The following RGS20 variants were observed in gnomAD, a reference collection of about 807,000 sequenced individuals.
The protein encoded by RGS20 is regulator of G protein signaling 20, also known as gz-selective GTPase-activating protein.
In RGS20, 30 loss-of-function variants were observed where a neutral mutation model predicts 33.6. The ratio of observed to expected loss-of-function variants is 0.89; its 90% CI spans 0.67 to 1.21. The LOEUF is 1.21. RGS20 is among the 50% of genes most tolerant of loss of function. RGS20 has a pLI of 0.00. For missense variants in RGS20, 472 were observed against 502.4 expected (o/e 0.94, Z 0.58); for synonymous variants, 208 against 197.9 (o/e 1.05, Z -0.43).
chr8:53,893,655 C>A (rs1812776832), intron 2 of RGS20, among the ~76,000 whole-genome samples: 1 of 152,184 alleles, frequency 6.6e-6, no homozygotes, highest in Non-Finnish European at 1.5e-5. Flanking sequence ...TATGCAACAA[C>A]CTGAAATTTA....
chr8:53,900,179 T>C (rs1812972035), intron 2 of RGS20, among the ~76,000 whole-genome samples: 1 of 152,142 alleles, frequency 6.6e-6, no homozygotes. Flanking sequence ...AGTCTTTTTT[T>C]CCCCTAGGTT....
intron 1 of RGS20, among the ~76,000 whole-genome samples, chr8:53,859,790 G>A (rs925533041): frequency 6.6e-6 from 1 of 152,174 alleles, no homozygotes; most frequent in Non-Finnish European, 1.5e-5. Context: ...GTCTTACATG[G>A]TGGCAGGCAA....
chr8:53,920,289 A>G (rs564223750), intron 2 of RGS20, among the ~76,000 whole-genome samples: 1 of 152,078 alleles, frequency 6.6e-6, no homozygotes, highest in East Asian at 1.9e-4. Flanking sequence ...ACTATATTGG[A>G]ATTATTTTCT....
intron 1 of RGS20, among the ~76,000 whole-genome samples, chr8:53,861,894 C>G (rs1420448166): frequency 1.3e-5 from 2 of 152,192 alleles, no homozygotes; most frequent in Non-Finnish European, 2.9e-5. Context: ...TAAGCTTCCC[C>G]TTTCCCAGAG....
intron 2 of RGS20, among the ~76,000 whole-genome samples, chr8:53,909,897 TTC>T (rs1347464097): frequency 6.6e-6 from 1 of 152,200 alleles, no homozygotes; most frequent in Non-Finnish European, 1.5e-5. Flanking sequence ...TGGGTGTGTA[TTC>T]TCTCTCTTTC....
At chr8:53,929,091 C>A (rs1175672429) in intron 2 of RGS20, among the ~76,000 whole-genome samples, 1 of 152,056 alleles carries the variant, frequency 6.6e-6, no homozygotes, top group African/African-American at 2.4e-5. Context: ...TCAAGAAATG[C>A]AAATTAATGG....
intron 1 of RGS20, among the ~76,000 whole-genome samples, chr8:53,871,059 C>G (rs1376901978): frequency 8.2e-6 from 1 of 121,826 alleles, no homozygotes. Flanking sequence ...TGCAGTGAGC[C>G]AAGATCGTGC....
chr8:53,957,203 T>C (rs190879936), intron 5 of RGS20, among the ~76,000 whole-genome samples: 1 of 152,336 alleles, frequency 6.6e-6, no homozygotes. Context: ...CTCGGCTCAC[T>C]GCAACCTCTG....
chr8:53,945,689 G>T (rs183516115), intron 3 of RGS20, among the ~76,000 whole-genome samples: 13 of 152,292 alleles, frequency 8.5e-5, no homozygotes, highest in Non-Finnish European at 1.8e-4. Flanking sequence ...GTCCAGGTGG[G>T]TGGATCACTT....
intron 1 of RGS20, among the ~76,000 whole-genome samples, chr8:53,869,045 G>A (rs752334788): frequency 1.3e-5 from 2 of 152,042 alleles, no homozygotes; most frequent in African/African-American, 2.4e-5. Flanking sequence ...GAGCCACCGC[G>A]CCTGGAAACA....
intron 1 of RGS20, among the ~76,000 whole-genome samples, chr8:53,865,895 T>C (rs1294789951): frequency 6.6e-6 from 1 of 152,198 alleles, no homozygotes; most frequent in Non-Finnish European, 1.5e-5. Context: ...GCATGAACCA[T>C]TGTGCCTGGC....
At chr8:53,886,048 T>G (rs1812534391) in intron 2 of RGS20, among the ~76,000 whole-genome samples, 1 of 152,218 alleles carries the variant, frequency 6.6e-6, no homozygotes. Context: ...TGGTTTTCAG[T>G]GCACCACCAG....
chr8:53,881,733 G>C (rs964980165), intron 2 of RGS20, among the ~76,000 whole-genome samples: 2 of 152,206 alleles, frequency 1.3e-5, no homozygotes, highest in Non-Finnish European at 1.5e-5. Context: ...CGAATGAACA[G>C]AGAAGTGCCC....
intron 2 of RGS20, chr8:53,881,005 C>A (rs749154033): frequency 5.6e-6 from 9 of 1,595,004 alleles, no homozygotes; most frequent in African/African-American, 1.3e-5. Context: ...GAGAAGGCAC[C>A]CGCGGGACGC....
intron 1 of RGS20, among the ~76,000 whole-genome samples, chr8:53,868,523 G>C (rs7001232): frequency 6.6e-6 from 1 of 152,012 alleles, no homozygotes; most frequent in Non-Finnish European, 1.5e-5. Flanking sequence ...TTGATATAAC[G>C]TTTATAGGAA....
intron 2 of RGS20, among the ~76,000 whole-genome samples, chr8:53,888,994 AT>A (rs146310533): frequency 8.9e-4 from 135 of 152,358 alleles, no homozygotes; most frequent in African/African-American, 3.2e-3. Context: ...TGGAGCTATT[AT>A]GAATAATGCT....
chr8:53,851,805 CAGCATTAACCAAACAAAGAGA>C lies in RGS20; in HGVS notation c.-90_-70del. On this transcript the variant is annotated 5_prime_UTR_variant, in exon 1 of 6. Coordinates refer to ENST00000297313, the MANE Select transcript of RGS20 (RefSeq NM_170587.4). ...TCTCCCCACAGATTCAGAGCCAGCCCAGCATTAACCAAACAAAGAGAAGCAGAGTGGATCCTGTGCTAATAT... is the reference window on the plus strand; with the variant it reads ...TCTCCCCACAGATTCAGAGCCAGCCCAGCAGAGTGGATCCTGTGCTAATAT... The C allele has an allele frequency of 2.2e-6, 3 of 1,339,128 alleles. No individual in the cohort carries two copies. The highest frequency in any genetic ancestry group is 2.9e-5 in the South Asian group (2 of 69,290). The allele number at this position is 1,339,128 out of a possible 1,614,324, so 83.0% of individuals were successfully genotyped here. A position where few individuals can be genotyped will look rare whatever the true frequency, so the allele number is the denominator to read the frequency against.
chr8:53,868,296 G>T (rs1451341675), intron 1 of RGS20, among the ~76,000 whole-genome samples: 1 of 152,162 alleles, frequency 6.6e-6, no homozygotes, highest in Non-Finnish European at 1.5e-5. Context: ...AATAGGCATT[G>T]GGAGAATATG....
Position 53,881,085 on chromosome 8 carries a change from G to C in RGS20, c.510+1483G>C, listed in dbSNP as rs771112293. On this transcript the variant is annotated intron_variant, in intron 2 of 5. Transcript: ENST00000297313. ...GGCCGGCAGGGTGGACGGTGGGCTC[G>C]TGAGTATCCCAGTTCCTCGAACTCT... The C allele has an allele frequency of 5.8e-6, 9 of 1,538,548 alleles. No homozygotes were observed. The highest frequency in any genetic ancestry group is 7.8e-6 in the Non-Finnish European group (9 of 1,156,536).
Sources: allele counts gnomAD v4.1 joint callset (sites outside exome capture counted in the v4.1 genomes callset), GRCh38; gene constraint gnomAD v4.1.1; transcripts MANE v1.5; gene names NCBI Gene and HGNC (gene_info 2026-07-23, HGNC 2026-07-21).